The following SGCZ variants were observed in gnomAD, a reference collection of about 807,000 sequenced individuals.
SGCZ encodes the protein sarcoglycan zeta, also known as zeta-sarcoglycan.
SGCZ carries 40 observed loss-of-function variants against 41.3 expected under a neutral mutation model. That is an observed-to-expected ratio of 0.97 (90% CI 0.75 to 1.26). SGCZ has a LOEUF of 1.26. SGCZ is among the 50% of genes most tolerant of loss of function. The probability of loss-of-function intolerance (pLI) is 0.00; values close to 1 mark genes in which losing one functional copy is unlikely to be tolerated. For synonymous variants in SGCZ, 206 were observed against 137.5 expected (o/e 1.50, Z -3.49); for missense variants, 552 against 369.8 (o/e 1.49, Z -4.04).
intron 1 of SGCZ, among the ~76,000 whole-genome samples, chr8:14,612,050 T>G (rs1476988455): frequency 2.0e-5 from 3 of 152,226 alleles, no homozygotes; most frequent in Admixed American, 2.0e-4. Flanking sequence ...TTAGCATTTG[T>G]CCTTCAAATT....
intron 1 of SGCZ, among the ~76,000 whole-genome samples, chr8:15,173,448 C>A (rs747584850): frequency 9.9e-5 from 15 of 152,064 alleles, no homozygotes; most frequent in Non-Finnish European, 2.1e-4. Context: ...TAACATAATA[C>A]CTGGCACATA....
At chr8:14,408,058 G>T (rs9325706) in intron 2 of SGCZ, among the ~76,000 whole-genome samples, 35,829 of 152,040 alleles carry the variant, frequency 0.24, 4,381 homozygotes, top group Non-Finnish European at 0.29. Flanking sequence ...GGATTGATTT[G>T]AATTAATGGG....
intron 4 of SGCZ, among the ~76,000 whole-genome samples, chr8:14,204,409 C>G: frequency 6.6e-6 from 1 of 152,056 alleles, no homozygotes; most frequent in African/African-American, 2.4e-5. Flanking sequence ...ATTTGAGCAG[C>G]TCAGGTCTAC....
intron 2 of SGCZ, among the ~76,000 whole-genome samples, chr8:14,397,931 C>G (rs988106441): frequency 6.6e-6 from 1 of 152,126 alleles, no homozygotes; most frequent in Non-Finnish European, 1.5e-5. Context: ...GAGCCCTGCT[C>G]TCTGATTACA....
At chr8:14,493,372 T>C (rs984703979) in intron 2 of SGCZ, among the ~76,000 whole-genome samples, 2 of 120,722 alleles carry the variant, frequency 1.7e-5, no homozygotes, top group African/African-American at 6.3e-5. Flanking sequence ...TTTTTTTTTT[T>C]TTTTTTTTTT....
rs1169124290 is a variant in SGCZ at position 14,221,462 on chromosome 8, T to A, written c.424+16130A>T. ...CCTGAAATATGGTGGCACCCATAAA[T>A]ATCTCTTAAGTCAAAATAATACTGA... is the stretch of plus-strand genomic sequence containing the variant. On this transcript the variant is annotated intron_variant, in intron 4 of 7. Transcript: ENST00000382080. Among the ~76,000 whole-genome samples the A allele has an allele frequency of 4.6e-5, 7 of 152,214 alleles. No homozygotes were observed. The East Asian group carries it at 1.2e-3, about 25-fold the overall frequency.
intron 1 of SGCZ, among the ~76,000 whole-genome samples, chr8:15,195,565 G>T (rs1800696041): frequency 6.6e-6 from 1 of 152,142 alleles, no homozygotes; most frequent in South Asian, 2.1e-4. Context: ...ATGATGGGTT[G>T]TATTTTTAAC....
chr8:15,170,750 AC>A (rs1290396169), intron 1 of SGCZ, among the ~76,000 whole-genome samples: 1 of 152,226 alleles, frequency 6.6e-6, no homozygotes, highest in African/African-American at 2.4e-5. Flanking sequence ...ATATAGTCTT[AC>A]AAGGGATCCA....
intron 1 of SGCZ, among the ~76,000 whole-genome samples, chr8:15,196,087 C>T (rs1206975360): frequency 1.4e-5 from 2 of 139,210 alleles, no homozygotes; most frequent in Non-Finnish European, 3.2e-5. Flanking sequence ...TTAGTAGAGA[C>T]GGGGTTTCAC....
intron 1 of SGCZ, among the ~76,000 whole-genome samples, chr8:15,215,864 A>G (rs958098712): frequency 6.6e-6 from 1 of 152,218 alleles, no homozygotes; most frequent in Non-Finnish European, 1.5e-5. Flanking sequence ...AAACAAAGAT[A>G]TAATGTGATG....
chr8:15,075,014 AC>A (rs763198904), intron 1 of SGCZ, among the ~76,000 whole-genome samples: 18 of 152,058 alleles, frequency 1.2e-4, no homozygotes, highest in Non-Finnish European at 2.4e-4. Context: ...TCAGCACCTA[AC>A]CCAAAAGCTT....
At chr8:14,274,526 A>G (rs1019806180) in intron 3 of SGCZ, among the ~76,000 whole-genome samples, 2 of 152,176 alleles carry the variant, frequency 1.3e-5, no homozygotes, top group Admixed American at 6.5e-5. Flanking sequence ...TGCTAACACT[A>G]TATTTTTCTA....
intron 3 of SGCZ, among the ~76,000 whole-genome samples, chr8:14,307,772 T>C (rs1169037622): frequency 6.6e-6 from 1 of 152,118 alleles, no homozygotes; most frequent in African/African-American, 2.4e-5. Flanking sequence ...ATAGATGAAA[T>C]AATTTTCTCA....
At chr8:14,119,839 G>C (rs1294517878) in intron 5 of SGCZ, among the ~76,000 whole-genome samples, 1 of 152,090 alleles carries the variant, frequency 6.6e-6, no homozygotes, top group African/African-American at 2.4e-5. Flanking sequence ...TTTGTGATTG[G>C]TTCTGTTTAT....
intron 1 of SGCZ, among the ~76,000 whole-genome samples, chr8:14,597,305 C>T (rs868307627): frequency 6.6e-6 from 1 of 152,120 alleles, no homozygotes; most frequent in African/African-American, 2.4e-5. Flanking sequence ...GGAGGGCATA[C>T]AAAAGTCAAG....
At chr8:14,660,571 C>CAAAAAAA (rs71304960) in intron 1 of SGCZ, among the ~76,000 whole-genome samples, 31 of 67,264 alleles carry the variant, frequency 4.6e-4, no homozygotes, top group African/African-American at 1.4e-3. Context: ...AACTCCATCT[C>CAAAAAAA]AAAAAAAAAA....
chr8:14,819,669 T>TTC (rs1320879577), intron 1 of SGCZ, among the ~76,000 whole-genome samples: 2 of 152,086 alleles, frequency 1.3e-5, no homozygotes, highest in African/African-American at 4.8e-5. Context: ...TAGCTCCAAG[T>TTC]AGTGGCTAAG....
intron 1 of SGCZ, among the ~76,000 whole-genome samples, chr8:14,645,072 T>G (rs1328836744): frequency 6.6e-6 from 1 of 151,724 alleles, no homozygotes; most frequent in Non-Finnish European, 1.5e-5. Flanking sequence ...TAGGAATTTT[T>G]ATATTTGGCA....
At chr8:14,284,068 C>T (rs1053390018) in intron 3 of SGCZ, among the ~76,000 whole-genome samples, 1 of 152,114 alleles carries the variant, frequency 6.6e-6, no homozygotes, top group African/African-American at 2.4e-5. Flanking sequence ...GATGTCTCTC[C>T]TTATTTCTAG....
Sources: allele counts gnomAD v4.1 joint callset (sites outside exome capture counted in the v4.1 genomes callset), GRCh38; gene constraint gnomAD v4.1.1; transcripts MANE v1.5; gene names NCBI Gene and HGNC (gene_info 2026-07-23, HGNC 2026-07-21).